Variants in ENTPD3 observed in about 807,000 individuals in gnomAD.
ENTPD3 encodes ectonucleoside triphosphate diphosphohydrolase 3.
In ENTPD3, 60 loss-of-function variants were observed where a neutral mutation model predicts 51.2. The observed-to-expected ratio is 1.17, with a 90% CI of 0.95 to 1.45. ENTPD3 has a LOEUF of 1.45. Ranked by LOEUF, ENTPD3 falls within the 40% of genes most tolerant of loss-of-function variation. The pLI is 0.00. For synonymous variants in ENTPD3, 221 were observed against 238.4 expected (o/e 0.93, Z 0.67); for missense variants, 593 against 641.1 (o/e 0.93, Z 0.81).
At chr3:40,406,617 T>G (rs1955507711) in intron 4 of ENTPD3, among the ~76,000 whole-genome samples, 2 of 152,222 alleles carry the variant, frequency 1.3e-5, no homozygotes, top group African/African-American at 4.8e-5. Flanking sequence ...CCTTGACTAG[T>G]GCTTCTCAAC....
In ENTPD3 at chr3:40,423,870, T is replaced by C. The variant is rs749952452; in HGVS notation, c.1260T>C (p.Ser420=). 5 of 1,614,172 alleles carry C rather than the reference T, an allele frequency of 3.1e-6. No individual in the cohort carries two copies. The South Asian group carries it at 5.5e-5, about 18-fold the overall frequency. ...AATTTGATGAGGTATATGCCCGCTC[T>C]TACTGCTTCTCAGCCAACTACATCT... ...LPKFDEVYAR[S]YCFSANYIYH... Residue 420 remains serine (S), a synonymous_variant, in exon 10 of 11, where the codon TCT becomes TCC. Transcript: ENST00000301825.
chr3:40,402,286 T>G (rs1353951341), intron 4 of ENTPD3, among the ~76,000 whole-genome samples: 2 of 151,574 alleles, frequency 1.3e-5, no homozygotes, highest in Admixed American at 1.3e-4. Flanking sequence ...GCCTGGCTAA[T>G]TTTTGTATTT....
intron 3 of ENTPD3, among the ~76,000 whole-genome samples, chr3:40,398,046 T>G (rs769087838): frequency 3.8e-4 from 58 of 152,248 alleles, no homozygotes; most frequent in Non-Finnish European, 7.1e-4. Flanking sequence ...TTTTCCCACT[T>G]TTGAAAATGT....
intron 4 of ENTPD3, among the ~76,000 whole-genome samples, chr3:40,406,720 T>C (rs374235633): frequency 6.6e-6 from 1 of 152,148 alleles, no homozygotes; most frequent in Non-Finnish European, 1.5e-5. Flanking sequence ...TAGCATCTAG[T>C]GTATAGAAGA....
Position 40,388,047 on chromosome 3 carries a change from T to A in ENTPD3, c.-11T>A, listed in dbSNP as rs747944788. The A allele has an allele frequency of 1.4e-5, 22 of 1,613,678 alleles. No individual in the cohort carries two copies. Among genetic ancestry groups the A allele is most frequent in the Non-Finnish European group, 1.6e-5 (19 of 1,179,746 alleles). Reference sequence around the variant, plus strand: ...CATCCTGTATTCTCTCACCTGCAGCTAGGAGAAAAGATGTTCACTGTGCTG... The same window carrying A: ...CATCCTGTATTCTCTCACCTGCAGCAAGGAGAAAAGATGTTCACTGTGCTG... On this transcript the variant is annotated splice_region_variant and 5_prime_UTR_variant, in exon 2 of 11. Coordinates refer to ENST00000301825, the MANE Select transcript of ENTPD3 (RefSeq NM_001248.4).
chr3:40,415,727 G>C, intron 6 of ENTPD3, 113 bp from the exon 7 acceptor site: 1 of 744,652 alleles, frequency 1.3e-6, no homozygotes, highest in South Asian at 1.8e-5. Flanking sequence ...GGCCTCACAT[G>C]CTCCCTCTGT....
Position 40,428,537 on chromosome 3 carries a change from T to C in ENTPD3, c.*1029T>C, listed in dbSNP as rs1274483104. 2.0e-5 allele frequency: 3 copies of C among 152,174 alleles called. No homozygotes were observed. The highest frequency in any genetic ancestry group is 1.9e-4 in the East Asian group (1 of 5,200). The allele number at this position is 152,174 out of a possible 1,614,324, so 9.4% of individuals were successfully genotyped here. On this transcript the variant is annotated 3_prime_UTR_variant, in exon 11 of 11. Coordinates refer to ENST00000301825, the MANE Select transcript of ENTPD3 (RefSeq NM_001248.4). The stretch of plus-strand genomic sequence containing the variant: ...TGAGAAAGAACTCCAGCAAATCCAA[T>C]GGCTACAAACTAAAAATCAGCATTA...
intron 2 of ENTPD3, among the ~76,000 whole-genome samples, chr3:40,388,959 T>C (rs1306845021): frequency 6.6e-6 from 1 of 152,176 alleles, no homozygotes; most frequent in African/African-American, 2.4e-5. Flanking sequence ...TCCTCCCCCA[T>C]GGATAGACAT....
intron 7 of ENTPD3, among the ~76,000 whole-genome samples, chr3:40,422,341 T>A (rs1313756497): frequency 4.5e-5 from 6 of 131,968 alleles, no homozygotes; most frequent in Non-Finnish European, 5.0e-5. Context: ...TTTTTTTTTT[T>A]ACTTAGAGAT....
chr3:40,421,786 C>T (rs1166958583), intron 7 of ENTPD3, among the ~76,000 whole-genome samples: 4 of 151,916 alleles, frequency 2.6e-5, no homozygotes, highest in Admixed American at 6.6e-5. Context: ...TAAAGTGCTA[C>T]CATTTATGGC....
rs775624176 is a variant in ENTPD3, at chr3:40,414,822, A to C, written c.579A>C (p.Leu193Phe). ...GVYGWITANY[L>F]MGNFLEKNLW... The stretch of plus-strand genomic sequence containing the variant: ...ATGGATGGATTACAGCCAACTATTT[A>C]ATGGGAAATTTCCTGGAGGTGTGTG... Residue 193 changes from leucine (L) to phenylalanine (F), a missense_variant, in exon 6 of 11, where the codon TTA becomes TTC. Physicochemically the swap from Leu to Phe is conservative, Grantham distance 22. Coordinates refer to ENST00000301825, the MANE Select transcript of ENTPD3 (RefSeq NM_001248.4). 9 of 1,614,014 alleles carry C rather than the reference A, an allele frequency of 5.6e-6. No individual in the cohort carries two copies. In the Admixed American group the frequency reaches 8.3e-5, roughly 15 times the overall value.
At chr3:40,408,274 A>AT (rs576686912) in intron 4 of ENTPD3, among the ~76,000 whole-genome samples, 2 of 152,226 alleles carry the variant, frequency 1.3e-5, no homozygotes, top group South Asian at 4.1e-4. Flanking sequence ...TTTAGGAGTG[A>AT]TTTTTTTCTT....
intron 7 of ENTPD3, 57 bp from the exon 8 acceptor site, chr3:40,422,793 T>C: frequency 6.7e-7 from 1 of 1,487,326 alleles, no homozygotes. Flanking sequence ...GTCTTTGCTA[T>C]TGTGAATAGT....
chr3:40,391,927 C>T (rs1955066764), intron 2 of ENTPD3, 96 bp from the exon 3 acceptor site: 1 of 1,437,090 alleles, frequency 7.0e-7, no homozygotes, highest in East Asian at 2.3e-5. Context: ...GTGGTTTATG[C>T]ACCTGATTAT....
At chr3:40,402,913 A>C (rs1381857236) in intron 4 of ENTPD3, among the ~76,000 whole-genome samples, 1 of 152,170 alleles carries the variant, frequency 6.6e-6, no homozygotes, top group South Asian at 2.1e-4. Flanking sequence ...AGCCTTTTTC[A>C]AAGCCACTTA....
chr3:40,410,394 T>A (rs1362508512), intron 4 of ENTPD3, among the ~76,000 whole-genome samples: 1 of 143,740 alleles, frequency 7.0e-6, no homozygotes, highest in African/African-American at 2.6e-5. Context: ...TGAGCCGAGA[T>A]CACACCAACT....
rs1956018727 is a variant in ENTPD3, at chr3:40,428,305, G to A, written c.*797G>A. On this transcript the variant is annotated 3_prime_UTR_variant, in exon 11 of 11. Transcript: ENST00000301825. ...TTTGCTAGGCTTTTGCTTAGCAAAG[G>A]GCTGACTTTCCATTGTTATCATGGT... 1 of 152,090 alleles carries A rather than the reference G, an allele frequency of 6.6e-6. No individual in the cohort carries two copies. The highest frequency in any genetic ancestry group is 6.6e-5 in the Admixed American group (1 of 15,260). 9.4% of individuals were successfully genotyped at this position (152,090 alleles called of 1,614,324 possible).
At chr3:40,423,650 T>C (rs1575235133) in intron 9 of ENTPD3, among the ~76,000 whole-genome samples, 176 bp from the exon 10 acceptor site, 1 of 152,222 alleles carries the variant, frequency 6.6e-6, no homozygotes, top group East Asian at 1.9e-4. Context: ...TATATTGTGA[T>C]ATTATATAGG....
intron 2 of ENTPD3, among the ~76,000 whole-genome samples, chr3:40,389,506 A>C (rs192607172): frequency 3.9e-5 from 6 of 152,220 alleles, no homozygotes; most frequent in South Asian, 4.1e-4. Context: ...ATAACTTCCC[A>C]AAAGAGTGAT....
Sources: allele counts gnomAD v4.1 joint callset (sites outside exome capture counted in the v4.1 genomes callset), GRCh38; gene constraint gnomAD v4.1.1; transcripts MANE v1.5; gene names NCBI Gene and HGNC (gene_info 2026-07-23, HGNC 2026-07-21).